Variants in ZC3H3 observed in about 807,000 individuals in gnomAD.
ZC3H3 encodes zinc finger CCCH domain-containing protein 3.
A neutral mutation model predicts 77.3 loss-of-function variants in ZC3H3; 36 were observed. The observed-to-expected ratio is 0.47, with a 90% CI of 0.36 to 0.61. The LOEUF (loss-of-function observed/expected upper bound fraction) is 0.61. Ranked by LOEUF, ZC3H3 falls within the 20% of genes least tolerant of loss-of-function variation. The probability of loss-of-function intolerance (pLI) is 0.00; values close to 1 mark genes in which losing one functional copy is unlikely to be tolerated. For missense variants in ZC3H3, 1,331 were observed against 1,312.2 expected (o/e 1.01, Z -0.22); for synonymous variants, 626 against 555.2 (o/e 1.13, Z -1.79).
At chr8:143,457,046 C>T (rs1055123701) in intron 9 of ZC3H3, among the ~76,000 whole-genome samples, 3 of 152,106 alleles carry the variant, frequency 2.0e-5, no homozygotes, top group South Asian at 2.1e-4. Context: ...AAAACTAGAC[C>T]GCAAATCATC....
Position 143,516,564 on chromosome 8 carries a change from CACAT to C in ZC3H3, c.1562-8669_1562-8666del, listed in dbSNP as rs1489972456. 5.3e-3 allele frequency among the ~76,000 whole-genome samples: 511 copies of C among 96,050 alleles called. 1 individual carries two copies. The highest frequency in any genetic ancestry group is 0.02 in the African/African-American group (411 of 20,424). 63.0% of individuals were successfully genotyped at this position (96,050 alleles called of 152,430 possible). ...ACACACACACACACACACACACACA[CACAT>C]ACACACACACACTCACTCTCATGCA... is the stretch of plus-strand genomic sequence containing the variant. On this transcript the variant is annotated intron_variant, in intron 3 of 11. Transcript: ENST00000262577.
intron 9 of ZC3H3, among the ~76,000 whole-genome samples, chr8:143,442,930 G>A (rs183854018): frequency 9.9e-5 from 15 of 152,246 alleles, no homozygotes; most frequent in East Asian, 7.7e-4. Context: ...ACTGGACAGC[G>A]CCGATGAGAA....
intron 5 of ZC3H3, among the ~76,000 whole-genome samples, chr8:143,472,295 G>A (rs887630362): frequency 2.0e-5 from 3 of 152,252 alleles, no homozygotes; most frequent in South Asian, 4.1e-4. Flanking sequence ...AAGGGCCAAC[G>A]GAGGCAGAGG....
chr8:143,437,977 G>A lies in ZC3H3; in HGVS notation c.*79C>T, dbSNP rs2294117. On this transcript the variant is annotated 3_prime_UTR_variant, in exon 12 of 12. Transcript: ENST00000262577. ...GCTTGGTGGCGGGCGGCCCTCCTGT[G>A]GGGTAGAGTGGTGGACAGAGCCTCT... The A allele has an allele frequency of 0.23, 357,578 of 1,555,896 alleles. 45,114 individuals carry two copies. The highest frequency in any genetic ancestry group is 0.41 in the East Asian group (17,416 of 42,182).
rs2294112 is a variant in ZC3H3, at chr8:143,441,267, G to T, written c.2308-147C>A. The T allele has an allele frequency of 1.2e-5, 10 of 833,638 alleles. 1 individual carries two copies. The East Asian group carries it at 1.7e-4, about 14-fold the overall frequency. The allele number at this position is 833,638 out of a possible 1,614,324, so 51.6% of individuals were successfully genotyped here. A position where few individuals can be genotyped will look rare whatever the true frequency, so the allele number is the denominator to read the frequency against. On this transcript the variant is annotated intron_variant, in intron 9 of 11. Transcript: ENST00000262577. The stretch of plus-strand genomic sequence containing the variant: ...GTCTTGGGGCCAAAGGCTTCCTCTT[G>T]GAAGGCTGAGGCCACCAGTCCAGAG...
intron 3 of ZC3H3, among the ~76,000 whole-genome samples, chr8:143,524,277 A>G (rs887583102): frequency 3.3e-5 from 5 of 152,214 alleles, no homozygotes; most frequent in Admixed American, 6.5e-5. Flanking sequence ...CCCAGAGTCC[A>G]CAGTTACTGA....
At chr8:143,478,756 G>A (rs543587831) in intron 4 of ZC3H3, among the ~76,000 whole-genome samples, 16 of 152,266 alleles carry the variant, frequency 1.1e-4, no homozygotes, top group South Asian at 6.2e-4. Flanking sequence ...GTGATCTGAC[G>A]GCCTTGGCCT....
intron 3 of ZC3H3, among the ~76,000 whole-genome samples, chr8:143,525,225 C>G (rs886631050): frequency 6.6e-6 from 1 of 152,262 alleles, no homozygotes; most frequent in Non-Finnish European, 1.5e-5. Context: ...GAGGCTCCCC[C>G]AGGAGCTGGT....
chr8:143,475,616 G>A, intron 4 of ZC3H3, 31 bp from the exon 5 acceptor site: 1 of 1,548,690 alleles, frequency 6.5e-7, no homozygotes. Flanking sequence ...CGTCAAACCT[G>A]GCCCCAGGAC....
chr8:143,445,540 A>G (rs1819845459), intron 9 of ZC3H3, among the ~76,000 whole-genome samples: 1 of 152,054 alleles, frequency 6.6e-6, no homozygotes, highest in African/African-American at 2.4e-5. Flanking sequence ...AAAAAAAAAC[A>G]AAATTAGCCA....
rs372099 is a variant in ZC3H3, at chr8:143,494,978, G to C, written c.1715+12768C>G. 0.17 allele frequency among the ~76,000 whole-genome samples: 26,113 copies of C among 152,142 alleles called. 2,458 individuals are homozygous for C. Among genetic ancestry groups the C allele is most frequent in the African/African-American group, 0.23 (9,567 of 41,510 alleles). ...ACACGTGAGAATGCAGATTAGAAAG[G>C]CGGTAACACCACGTCTGAGGGGAAC... On this transcript the variant is annotated intron_variant, in intron 4 of 11. Coordinates refer to ENST00000262577, the MANE Select transcript of ZC3H3 (RefSeq NM_015117.3). The surrounding 1 kb of genome is among the most constrained non-coding windows in gnomAD (Gnocchi z 5.3).
At chr8:143,439,889 T>C in intron 11 of ZC3H3, 152 bp downstream of exon 11, 1 of 451,366 alleles carries the variant, frequency 2.2e-6, no homozygotes, top group Non-Finnish European at 3.7e-6. Flanking sequence ...GAGTCCTTGG[T>C]GAGGGAGGCC....
At chr8:143,448,481 A>G (rs7835012) in intron 9 of ZC3H3, among the ~76,000 whole-genome samples, 95,727 of 152,142 alleles carry the variant, frequency 0.63, 30,355 homozygotes, top group Middle Eastern at 0.66. Flanking sequence ...TTCAAAACAC[A>G]GCAACGCAGT....
At chr8:143,472,947 A>C (rs934247221) in intron 5 of ZC3H3, among the ~76,000 whole-genome samples, 3 of 152,102 alleles carry the variant, frequency 2.0e-5, no homozygotes, top group Non-Finnish European at 4.4e-5. Context: ...CTGGCTCTGG[A>C]AAGGGCAGTA....
Position 143,523,038 on chromosome 8 carries a change from T to C in ZC3H3, c.1561+13219A>G, listed in dbSNP as rs74332390. Among the ~76,000 whole-genome samples, 1,055 of 152,298 alleles carry C rather than the reference T, an allele frequency of 6.9e-3. 14 individuals carry two copies. The highest frequency in any genetic ancestry group is 0.022 in the African/African-American group (901 of 41,552). On this transcript the variant is annotated intron_variant, in intron 3 of 11. Transcript: ENST00000262577. ...AACCTGAGCCCCCTCATCCTGATAG[T>C]CCAGGGCCCCTCAGGGTCAGGGGCT...
rs1402827449 is a variant in ZC3H3 at position 143,440,253 on chromosome 8, G to T, written c.2603C>A (p.Ser868Ter). 6.3e-7 allele frequency: 1 copy of T among 1,596,248 alleles called. No homozygotes were observed. The highest frequency in any genetic ancestry group is 1.3e-5 in the African/African-American group (1 of 74,820). The change falls in exon 11 of 12, where the codon TCA (serine) becomes TAA (stop). Residue 868 changes from serine (S) to a stop codon, truncating the protein, a stop_gained. Transcript: ENST00000262577. LOFTEE classifies it high-confidence loss of function. ...GGAGGAGGAGGAAGCCTTCGAGGAT[G>T]AGGGAGAGGCTGACCCCCCTGGGCA... The part of the protein sequence containing the change: ...PHCPGGSASP[S>*]SSKASSSSSS...
At chr8:143,535,542 G>A (rs368999934) in intron 3 of ZC3H3, among the ~76,000 whole-genome samples, 4 of 152,200 alleles carry the variant, frequency 2.6e-5, no homozygotes, top group African/African-American at 9.6e-5. Context: ...CGGTGTCTGG[G>A]GGGTGCCACA....
intron 11 of ZC3H3, among the ~76,000 whole-genome samples, chr8:143,439,632 C>T (rs1393146091): frequency 6.6e-6 from 1 of 152,228 alleles, no homozygotes; most frequent in African/African-American, 2.4e-5. Flanking sequence ...CTAATTAAAT[C>T]AGCCCTCAGC....
chr8:143,484,750 G>C (rs558570365), intron 4 of ZC3H3: 208 of 341,784 alleles, frequency 6.1e-4, no homozygotes, highest in African/African-American at 4.3e-3. Flanking sequence ...CTGAGGGGCA[G>C]GCTGGCCAGG....
Sources: allele counts gnomAD v4.1 joint callset (sites outside exome capture counted in the v4.1 genomes callset), GRCh38; gene constraint gnomAD v4.1.1; non-coding constraint Gnocchi (gnomAD v3.1); transcripts MANE v1.5; gene names NCBI Gene and HGNC (gene_info 2026-07-23, HGNC 2026-07-21).